The following SPOCK1 variants were observed in gnomAD, a reference collection of about 807,000 sequenced individuals.
SPOCK1 encodes the protein SPARC (osteonectin), cwcv and kazal like domains proteoglycan 1.
Under a neutral mutation model 55.3 loss-of-function variants are expected in SPOCK1, and 23 were observed. The observed-to-expected ratio is 0.42, with a 90% CI of 0.30 to 0.59. The LOEUF (loss-of-function observed/expected upper bound fraction) is 0.59, where lower values mean the gene tolerates loss of function less well. SPOCK1 is among the 20% of genes least tolerant of loss of function. SPOCK1 has a pLI of 0.22. For synonymous variants in SPOCK1, 226 were observed against 221.0 expected (o/e 1.02, Z -0.20); for missense variants, 499 against 552.5 (o/e 0.90, Z 0.97).
chr5:137,060,020 C>T (rs1459918966), intron 6 of SPOCK1, among the ~76,000 whole-genome samples: 1 of 152,144 alleles, frequency 6.6e-6, no homozygotes, highest in Non-Finnish European at 1.5e-5. Flanking sequence ...TTAGTTCAGC[C>T]ACTGTGGAAA....
chr5:137,211,108 C>T (rs1320024533), intron 3 of SPOCK1, among the ~76,000 whole-genome samples: 1 of 152,298 alleles, frequency 6.6e-6, no homozygotes, highest in Middle Eastern at 3.4e-3. Context: ...GAGAAACCTC[C>T]GAAGCCCCCA....
chr5:137,182,104 T>A (rs904179314), intron 3 of SPOCK1, among the ~76,000 whole-genome samples: 1 of 152,234 alleles, frequency 6.6e-6, no homozygotes, highest in Admixed American at 6.5e-5. Flanking sequence ...GTGTAAAGTG[T>A]GTAGGCTCAA....
intron 3 of SPOCK1, among the ~76,000 whole-genome samples, chr5:137,256,233 A>ACTCCAT (rs962363418): frequency 2.6e-5 from 4 of 151,996 alleles, no homozygotes; most frequent in Non-Finnish European, 5.9e-5. Context: ...AGGCTAAACC[A>ACTCCAT]CTCCATCTCC....
At chr5:137,401,773 A>G (rs1751986966) in intron 2 of SPOCK1, among the ~76,000 whole-genome samples, 1 of 151,902 alleles carries the variant, frequency 6.6e-6, no homozygotes, top group Non-Finnish European at 1.5e-5. Context: ...TGGAGGGTCA[A>G]AGAGGTTATA....
At chr5:137,452,800 CT>C (rs1753283286) in intron 2 of SPOCK1, among the ~76,000 whole-genome samples, 1 of 152,218 alleles carries the variant, frequency 6.6e-6, no homozygotes, top group African/African-American at 2.4e-5. Context: ...GTTTCCTCCA[CT>C]GCTCTATCAG....
intron 2 of SPOCK1, among the ~76,000 whole-genome samples, chr5:137,400,796 C>T (rs1751957672): frequency 6.6e-6 from 1 of 152,174 alleles, no homozygotes; most frequent in Non-Finnish European, 1.5e-5. Flanking sequence ...AACACCCAAA[C>T]ACAGATGGTC....
chr5:137,288,952 T>C (rs1757316146), intron 2 of SPOCK1, among the ~76,000 whole-genome samples: 1 of 152,218 alleles, frequency 6.6e-6, no homozygotes, highest in Non-Finnish European at 1.5e-5. Context: ...ATTAGCTTAA[T>C]GCAAACTGCA....
At position 137,267,355 on chromosome 5, in the gene SPOCK1, G is replaced by T. The variant is rs755822689; in HGVS notation, c.187-300C>A. Among the ~76,000 whole-genome samples the T allele has an allele frequency of 5.4e-4, 81 of 150,360 alleles. 1 individual carries two copies. The highest frequency in any genetic ancestry group is 9.8e-4 in the Non-Finnish European group (67 of 68,026). On this transcript the variant is annotated intron_variant, in intron 2 of 10. Coordinates refer to ENST00000394945, the MANE Select transcript of SPOCK1 (RefSeq NM_004598.4). The stretch of plus-strand genomic sequence containing the variant: ...AAACCCAGACACCTTCTAGGTGCAA[G>T]GTGTATTTGCTATCAATTATACTGT...
At chr5:137,099,394 G>A (rs1283272843) in intron 5 of SPOCK1, among the ~76,000 whole-genome samples, 1 of 152,104 alleles carries the variant, frequency 6.6e-6, no homozygotes, top group Non-Finnish European at 1.5e-5. Context: ...ATTGGTTTAT[G>A]TCTGTGTCCT....
intron 3 of SPOCK1, among the ~76,000 whole-genome samples, chr5:137,142,174 G>A (rs1003997654): frequency 1.3e-5 from 2 of 152,130 alleles, no homozygotes; most frequent in African/African-American, 4.8e-5. Context: ...ATCCTGAGCA[G>A]GTATAGCAAA....
chr5:137,464,630 G>T (rs1394409624), intron 2 of SPOCK1, among the ~76,000 whole-genome samples: 1 of 152,052 alleles, frequency 6.6e-6, no homozygotes, highest in Non-Finnish European at 1.5e-5. Flanking sequence ...TGCCAGTCTA[G>T]GTGACAGGAT....
intron 2 of SPOCK1, among the ~76,000 whole-genome samples, chr5:137,290,031 A>G (rs714434): frequency 0.84 from 127,447 of 152,156 alleles, 53,515 homozygotes; most frequent in African/African-American, 0.87. Flanking sequence ...GCTGCTTCAG[A>G]AAACTGTTTG....
intron 3 of SPOCK1, among the ~76,000 whole-genome samples, chr5:137,193,010 G>A (rs1755215437): frequency 6.6e-6 from 1 of 152,192 alleles, no homozygotes; most frequent in African/African-American, 2.4e-5. Context: ...TTTTGTTTTT[G>A]TAAGTAAAAG....
At chr5:137,113,918 T>C (rs958804810) in intron 4 of SPOCK1, among the ~76,000 whole-genome samples, 10 of 152,182 alleles carry the variant, frequency 6.6e-5, no homozygotes, top group African/African-American at 2.4e-4. Context: ...GTATCTAGGG[T>C]AACCTACCCT....
chr5:137,199,783 T>C (rs990887579), intron 3 of SPOCK1, among the ~76,000 whole-genome samples: 3 of 152,142 alleles, frequency 2.0e-5, no homozygotes, highest in African/African-American at 7.2e-5. Context: ...AGCTGATGAC[T>C]CCCAAAGCTT....
chr5:137,155,047 C>T (rs540010883), intron 3 of SPOCK1, among the ~76,000 whole-genome samples: 2 of 152,224 alleles, frequency 1.3e-5, no homozygotes, highest in South Asian at 4.2e-4. Flanking sequence ...GTAACATCTC[C>T]CTGATATGGT....
chr5:137,455,930 A>G (rs1753357161), intron 2 of SPOCK1, among the ~76,000 whole-genome samples: 1 of 152,120 alleles, frequency 6.6e-6, no homozygotes. Context: ...ACGGGAGGTG[A>G]AGCAGAAGGA....
intron 2 of SPOCK1, among the ~76,000 whole-genome samples, chr5:137,359,013 ATTG>A (rs1289450483): frequency 6.6e-6 from 1 of 152,188 alleles, no homozygotes; most frequent in Non-Finnish European, 1.5e-5. Flanking sequence ...AAGGCTAAAA[ATTG>A]TCTATCACAG....
chr5:137,117,192 C>T (rs1388039534), intron 4 of SPOCK1, among the ~76,000 whole-genome samples: 1 of 152,242 alleles, frequency 6.6e-6, no homozygotes. Flanking sequence ...TAAGTTCTAT[C>T]TCCAGCCAGC....
Sources: allele counts gnomAD v4.1 joint callset (sites outside exome capture counted in the v4.1 genomes callset), GRCh38; gene constraint gnomAD v4.1.1; transcripts MANE v1.5; gene names NCBI Gene and HGNC (gene_info 2026-07-23, HGNC 2026-07-21).